Variants in SLC4A4 observed in about 807,000 individuals in gnomAD.
The protein encoded by SLC4A4 is solute carrier family 4 member 4, also known as electrogenic sodium bicarbonate cotransporter 1.
SLC4A4 carries 27 observed loss-of-function variants against 111.5 expected under a neutral mutation model. The ratio of observed to expected loss-of-function variants is 0.24; its 90% confidence interval spans 0.18 to 0.33. The LOEUF (loss-of-function observed/expected upper bound fraction) is 0.33. SLC4A4 is among the 10% of genes least tolerant of loss of function. The pLI, the probability that SLC4A4 is intolerant of heterozygous loss-of-function variation, is 1.00. For synonymous variants in SLC4A4, 443 were observed against 463.4 expected, an observed-to-expected ratio of 0.96 and a Z score of 0.57; for missense variants, 909 against 1,315.5, an observed-to-expected ratio of 0.69 and a Z score of 4.78.
At chr4:71,067,233 C>T (rs1481646938) in intron 1 of SLC4A4, among the ~76,000 whole-genome samples, 1 of 151,550 alleles carries the variant, frequency 6.6e-6, no homozygotes, top group Non-Finnish European at 1.5e-5. Context: ...TAGGGCAATG[C>T]AAACACAGAA....
At chr4:71,283,541 C>G (rs1723689850) in intron 3 of SLC4A4, among the ~76,000 whole-genome samples, 1 of 152,148 alleles carries the variant, frequency 6.6e-6, no homozygotes, top group Admixed American at 6.5e-5. Context: ...AGGTCCATAG[C>G]CTCGTTACCC....
chr4:71,409,369 T>G (rs1228333448), intron 7 of SLC4A4, among the ~76,000 whole-genome samples: 1 of 152,180 alleles, frequency 6.6e-6, no homozygotes. Flanking sequence ...ACAATAAGGT[T>G]CAGGCTGAGG....
At chr4:71,461,182 T>C (rs1726784134) in intron 12 of SLC4A4, among the ~76,000 whole-genome samples, 1 of 152,118 alleles carries the variant, frequency 6.6e-6, no homozygotes. Flanking sequence ...CTTTTTGCTG[T>C]TATAAACAAA....
At chr4:71,281,749 A>G (rs550799009) in intron 3 of SLC4A4, among the ~76,000 whole-genome samples, 37 of 152,226 alleles carry the variant, frequency 2.4e-4, no homozygotes, top group Non-Finnish European at 4.7e-4. Flanking sequence ...TTCTAATGCT[A>G]CAGTGGGTTA....
At chr4:71,458,571 G>A (rs1383297271) in intron 12 of SLC4A4, among the ~76,000 whole-genome samples, 1 of 152,014 alleles carries the variant, frequency 6.6e-6, no homozygotes, top group Non-Finnish European at 1.5e-5. Flanking sequence ...GAGCTTAACA[G>A]AGCACATTTT....
intron 16 of SLC4A4, among the ~76,000 whole-genome samples, chr4:71,518,999 C>T (rs1163461062): frequency 3.3e-5 from 5 of 152,180 alleles, no homozygotes; most frequent in Admixed American, 3.3e-4. Flanking sequence ...TTTCCCTCTC[C>T]AGGATGTGTT....
chr4:71,370,385 C>A (rs1179484954), intron 6 of SLC4A4, among the ~76,000 whole-genome samples: 1 of 152,192 alleles, frequency 6.6e-6, no homozygotes, highest in African/African-American at 2.4e-5. Flanking sequence ...TCACATGATT[C>A]TCTCTGCAAG....
intron 2 of SLC4A4, among the ~76,000 whole-genome samples, chr4:71,118,221 C>T (rs1440886753): frequency 6.6e-6 from 1 of 152,110 alleles, no homozygotes; most frequent in Non-Finnish European, 1.5e-5. Flanking sequence ...TGCTTTTTTA[C>T]CTTAACTGCA....
At chr4:71,086,435 C>T (rs1264295866) in intron 1 of SLC4A4, among the ~76,000 whole-genome samples, 2 of 151,982 alleles carry the variant, frequency 1.3e-5, no homozygotes, top group Non-Finnish European at 2.9e-5. Context: ...GAACTTCCAA[C>T]ACTATGTTGA....
At chr4:71,228,016 T>G (rs572790912) in intron 1 of SLC4A4, among the ~76,000 whole-genome samples, 36 of 152,182 alleles carry the variant, frequency 2.4e-4, no homozygotes, top group Non-Finnish European at 5.0e-4. Context: ...TTAAAAATAT[T>G]AAGGAGCATG....
intron 8 of SLC4A4, among the ~76,000 whole-genome samples, chr4:71,446,214 T>C (rs1268667645): frequency 6.6e-6 from 1 of 152,152 alleles, no homozygotes; most frequent in Non-Finnish European, 1.5e-5. Context: ...TTCAAGGGCA[T>C]TTTGGAACAG....
intron 2 of SLC4A4, among the ~76,000 whole-genome samples, chr4:71,111,178 C>G (rs751467207): frequency 6.6e-6 from 1 of 152,150 alleles, no homozygotes; most frequent in African/African-American, 2.4e-5. Context: ...CTGGGACTGT[C>G]TAGGTTTTCA....
In SLC4A4 at chr4:71,489,523, T is replaced by C. The variant is rs183247418; in HGVS notation, c.1974+2505T>C. ...GCAGAACTTGGCATAATGGATGGCA[T>C]GTAGTCATCTCTCAGTCAGTGTTAG... On this transcript the variant is annotated intron_variant, in intron 15 of 25. Transcript: ENST00000264485. 5.9e-4 allele frequency among the ~76,000 whole-genome samples: 89 copies of C among 151,878 alleles called. No homozygotes were observed. In the East Asian group the frequency reaches 9.8e-3, roughly 17 times the overall value.
intron 15 of SLC4A4, among the ~76,000 whole-genome samples, chr4:71,489,632 A>G (rs1405006574): frequency 1.3e-5 from 2 of 151,720 alleles, no homozygotes; most frequent in Non-Finnish European, 1.5e-5. Flanking sequence ...GAGAGAGGAA[A>G]TTGGGAAGCC....
intron 1 of SLC4A4, among the ~76,000 whole-genome samples, chr4:71,235,357 G>A (rs1187990505): frequency 6.6e-6 from 1 of 152,182 alleles, no homozygotes; most frequent in African/African-American, 2.4e-5. Context: ...AATATCTGAA[G>A]CACAAGAATA....
chr4:71,558,588 G>A (rs1054680287), intron 22 of SLC4A4, among the ~76,000 whole-genome samples: 3 of 151,850 alleles, frequency 2.0e-5, no homozygotes, highest in Non-Finnish European at 4.4e-5. Flanking sequence ...GCAAGAAAAT[G>A]CATATATGTA....
At chr4:71,435,736 A>G (rs547695376) in intron 7 of SLC4A4, among the ~76,000 whole-genome samples, 46 of 152,360 alleles carry the variant, frequency 3.0e-4, no homozygotes, top group South Asian at 2.5e-3. Flanking sequence ...AACCCCATCA[A>G]AAAGTGGGCA....
intron 3 of SLC4A4, among the ~76,000 whole-genome samples, chr4:71,303,036 A>G (rs1400341267): frequency 6.6e-6 from 1 of 152,222 alleles, no homozygotes; most frequent in Non-Finnish European, 1.5e-5. Context: ...TAAGGAAAGT[A>G]TAAAAATCAG....
chr4:71,491,663 A>G (rs1225522788), intron 15 of SLC4A4, among the ~76,000 whole-genome samples: 2 of 151,846 alleles, frequency 1.3e-5, no homozygotes, highest in African/African-American at 4.8e-5. Flanking sequence ...CACAACCCTG[A>G]CCTGGAATGA....
Sources: allele counts gnomAD v4.1 joint callset (sites outside exome capture counted in the v4.1 genomes callset), GRCh38; gene constraint gnomAD v4.1.1; transcripts MANE v1.5; gene names NCBI Gene and HGNC (gene_info 2026-07-23, HGNC 2026-07-21).